CA8: variants seen among roughly 807,000 people sequenced by gnomAD.
The protein encoded by CA8 is carbonic anhydrase-related protein.
Under a neutral mutation model 41.4 loss-of-function variants are expected in CA8, and 22 were observed. The observed-to-expected ratio is 0.53, with a 90% CI of 0.38 to 0.76. The LOEUF is 0.76. Among genes scored for constraint, CA8 ranks in the 30% least tolerant of loss-of-function variants. The pLI, the probability that CA8 is intolerant of heterozygous loss-of-function variation, is 0.00. For missense variants in CA8, 270 were observed against 352.8 expected (o/e 0.77, Z 1.88); for synonymous variants, 121 against 130.6 (o/e 0.93, Z 0.50).
chr8:60,264,505 TTTCC>T (rs1803837212), intron 3 of CA8, among the ~76,000 whole-genome samples: 1 of 152,240 alleles, frequency 6.6e-6, no homozygotes, highest in African/African-American at 2.4e-5. Flanking sequence ...GGTATGAATT[TTTCC>T]TTGTCAGGTT....
intron 8 of CA8, among the ~76,000 whole-genome samples, chr8:60,195,571 TCTCCTCTTCAGAGGGGGCTC>T: frequency 6.6e-6 from 1 of 152,090 alleles, no homozygotes; most frequent in South Asian, 2.1e-4. Context: ...AAATAAGAAC[TCTCCTCTTCAGAGGGGGCTC>T]TTTGTCCTGT....
intron 2 of CA8, among the ~76,000 whole-genome samples, chr8:60,266,637 A>T (rs996997226): frequency 6.6e-6 from 1 of 152,220 alleles, no homozygotes; most frequent in African/African-American, 2.4e-5. Flanking sequence ...ATAAAATATT[A>T]ACAATCCTCA....
chr8:60,244,889 G>T (rs542693674), intron 3 of CA8, among the ~76,000 whole-genome samples: 77 of 152,318 alleles, frequency 5.1e-4, no homozygotes, highest in Non-Finnish European at 9.8e-4. Flanking sequence ...TAGAAATAGG[G>T]GAAGGGGTAC....
rs111844986 is a variant in CA8 at position 60,281,328 on chromosome 8, A to C, written c.-181T>G. 4,139 of 602,402 alleles carry C rather than the reference A, an allele frequency of 6.9e-3. 99 individuals carry two copies. The highest frequency in any genetic ancestry group is 0.063 in the African/African-American group (3,312 of 52,368). The allele number at this position is 602,402 out of a possible 1,614,324, so 37.3% of individuals were successfully genotyped here. A position where few individuals can be genotyped will look rare whatever the true frequency, so the allele number is the denominator to read the frequency against. On this transcript the variant is annotated 5_prime_UTR_variant, in exon 1 of 9. Transcript: ENST00000317995. ...TGAGTGCAAGCAGGCGTGCGTTCGG[A>C]CCGAGTGTTCCAGAGACCCGCGTGG...
Position 60,188,647 on chromosome 8 carries a change from G to A in CA8, c.*1374C>T, listed in dbSNP as rs993149677. The A allele has an allele frequency of 6.6e-6, 1 of 152,208 alleles. No individual in the cohort carries two copies. The highest frequency in any genetic ancestry group is 6.6e-5 in the Admixed American group (1 of 15,258). The allele number at this position is 152,208 out of a possible 1,614,324, so 9.4% of individuals were successfully genotyped here. ...CTCTCCGCTTTCAGAGGCACTGCCT[G>A]GTGCTGACCCCATGTGATCCAGGGC... On this transcript the variant is annotated 3_prime_UTR_variant, in exon 9 of 9. Coordinates refer to ENST00000317995, the MANE Select transcript of CA8 (RefSeq NM_004056.6).
chr8:60,211,792 A>T (rs1806844273), intron 7 of CA8, among the ~76,000 whole-genome samples: 1 of 152,164 alleles, frequency 6.6e-6, no homozygotes, highest in Admixed American at 6.5e-5. Flanking sequence ...TGAAATGCCA[A>T]TTTTTCTAAA....
intron 3 of CA8, among the ~76,000 whole-genome samples, chr8:60,241,732 C>T (rs1808035626): frequency 6.6e-6 from 1 of 151,480 alleles, no homozygotes; most frequent in Non-Finnish European, 1.5e-5. Context: ...CAGGAAATAT[C>T]CTACATTTTA....
chr8:60,268,851 C>T (rs1414897534), intron 2 of CA8, among the ~76,000 whole-genome samples: 1 of 152,066 alleles, frequency 6.6e-6, no homozygotes, highest in Non-Finnish European at 1.5e-5. Context: ...ACTGTCATGT[C>T]ATGACAGTCA....
chr8:60,279,985 G>T, intron 1 of CA8, 105 bp from the exon 2 acceptor site: 1 of 822,868 alleles, frequency 1.2e-6, no homozygotes, highest in Non-Finnish European at 1.9e-6. Context: ...CATGAAGAGA[G>T]TAATGATACC....
chr8:60,211,772 T>C (rs1470964516), intron 7 of CA8, among the ~76,000 whole-genome samples: 2 of 152,148 alleles, frequency 1.3e-5, no homozygotes, highest in East Asian at 3.9e-4. Flanking sequence ...GAGGGGAAAA[T>C]GTGTCTTTCT....
At chr8:60,247,144 A>G (rs978866336) in intron 3 of CA8, among the ~76,000 whole-genome samples, 1 of 152,036 alleles carries the variant, frequency 6.6e-6, no homozygotes, top group Admixed American at 6.5e-5. Context: ...CGGCCTCCCA[A>G]AGTGCTGGGA....
intron 3 of CA8, among the ~76,000 whole-genome samples, chr8:60,263,757 C>A (rs568698426): frequency 2.0e-5 from 3 of 152,280 alleles, no homozygotes; most frequent in Admixed American, 6.5e-5. Flanking sequence ...CACAAGAGCC[C>A]TCTCCTCCTC....
At chr8:60,190,957 TAC>T (rs112367263) in intron 8 of CA8, among the ~76,000 whole-genome samples, 2 of 104,182 alleles carry the variant, frequency 1.9e-5, no homozygotes, top group Non-Finnish European at 4.2e-5. Context: ...TATATATATA[TAC>T]ACACACACAT....
intron 7 of CA8, among the ~76,000 whole-genome samples, chr8:60,217,583 C>G (rs1379555791): frequency 6.6e-6 from 1 of 152,194 alleles, no homozygotes; most frequent in African/African-American, 2.4e-5. Flanking sequence ...CTTCACCCAC[C>G]ACCTGTATAC....
chr8:60,237,554 C>T (rs1807876731), intron 3 of CA8, among the ~76,000 whole-genome samples: 1 of 152,206 alleles, frequency 6.6e-6, no homozygotes, highest in Non-Finnish European at 1.5e-5. Flanking sequence ...CTAAAGATGG[C>T]TCCAGGCAGG....
intron 3 of CA8, among the ~76,000 whole-genome samples, chr8:60,234,360 G>A (rs147994556): frequency 6.6e-6 from 1 of 152,170 alleles, no homozygotes; most frequent in Non-Finnish European, 1.5e-5. Flanking sequence ...CAGAACAGAA[G>A]AAGGACATTA....
intron 3 of CA8, among the ~76,000 whole-genome samples, chr8:60,239,634 T>C (rs1807949318): frequency 6.6e-6 from 1 of 152,188 alleles, no homozygotes; most frequent in Non-Finnish European, 1.5e-5. Context: ...TGTGACCTTG[T>C]AGAGTTGGTT....
intron 4 of CA8, among the ~76,000 whole-genome samples, chr8:60,229,436 A>C (rs1807563841): frequency 6.6e-6 from 1 of 151,858 alleles, no homozygotes. Context: ...TCCCGAGGGG[A>C]CCATCTTCTA....
chr8:60,222,781 T>A lies in CA8; in HGVS notation c.626-20A>T. On this transcript the variant is annotated intron_variant, in intron 6 of 8. Coordinates refer to ENST00000317995, the MANE Select transcript of CA8 (RefSeq NM_004056.6). ...GAGGGTCTGCACAGCCACGTGGACA[T>A]GTAATGGAAAAGGCAAGTGAATTAA... The A allele has an allele frequency of 6.8e-7, 1 of 1,477,106 alleles. No homozygotes were observed. Among genetic ancestry groups the A allele is most frequent in the African/African-American group, 1.4e-5 (1 of 72,430 alleles). 91.5% of individuals were successfully genotyped at this position (1,477,106 alleles called of 1,614,324 possible).
Sources: allele counts gnomAD v4.1 joint callset (sites outside exome capture counted in the v4.1 genomes callset), GRCh38; gene constraint gnomAD v4.1.1; transcripts MANE v1.5; gene names NCBI Gene and HGNC (gene_info 2026-07-23, HGNC 2026-07-21).